Variants in ATP10B observed in about 807,000 individuals in gnomAD.
ATP10B encodes phospholipid-transporting ATPase VB.
ATP10B carries 122 observed loss-of-function variants against 141.2 expected under a neutral mutation model. That is an observed-to-expected ratio of 0.86 (90% CI 0.75 to 1.00). The LOEUF is 1.00. Ranked by LOEUF, ATP10B falls within the 50% of genes least tolerant of loss-of-function variation. The pLI is 0.00. For missense variants in ATP10B, 1,876 were observed against 1,825.3 expected, an observed-to-expected ratio of 1.03 and a Z score of -0.51; for synonymous variants, 685 against 692.0, an observed-to-expected ratio of 0.99 and a Z score of 0.16.
chr5:160,724,138 G>A (rs1041991638), intron 2 of ATP10B, among the ~76,000 whole-genome samples: 1 of 152,160 alleles, frequency 6.6e-6, no homozygotes, highest in Non-Finnish European at 1.5e-5. Flanking sequence ...GTGGAGGATG[G>A]GAGGAGGGAG....
At chr5:160,745,134 T>C (rs1476119909) in intron 2 of ATP10B, among the ~76,000 whole-genome samples, 1 of 152,278 alleles carries the variant, frequency 6.6e-6, no homozygotes, top group African/African-American at 2.4e-5. Context: ...TTGCTGCTGC[T>C]ATTATTACCA....
rs142225763 is a variant in ATP10B at position 160,635,415 on chromosome 5, C to G, written c.1128+767G>C. Among the ~76,000 whole-genome samples the G allele has an allele frequency of 6.1e-3, 926 of 152,142 alleles. 3 individuals carry two copies. The highest frequency in any genetic ancestry group is 0.014 in the Middle Eastern group (4 of 294). Reference sequence around the variant, plus strand: ...TCCAGATCACTTAGGGCTTCATCAGCCACAGTAAGGACTTTGGATTCCACT... The same window carrying G: ...TCCAGATCACTTAGGGCTTCATCAGGCACAGTAAGGACTTTGGATTCCACT... On this transcript the variant is annotated intron_variant, in intron 11 of 25. Transcript: ENST00000327245.
intron 3 of ATP10B, among the ~76,000 whole-genome samples, chr5:160,703,891 T>C (rs1204606515): frequency 3.9e-5 from 6 of 152,216 alleles, no homozygotes. Flanking sequence ...AGAATGAATA[T>C]TATGTTAGCA....
chr5:160,630,701 A>T (rs1357464482), intron 13 of ATP10B, among the ~76,000 whole-genome samples: 1 of 152,236 alleles, frequency 6.6e-6, no homozygotes, highest in East Asian at 1.9e-4. Flanking sequence ...GGAAAATAAA[A>T]AAAACCATGA....
Position 160,644,628 on chromosome 5 carries a change from CT to C in ATP10B, c.762-385del, listed in dbSNP as rs776094822. 1.2e-4 allele frequency among the ~76,000 whole-genome samples: 18 copies of C among 152,262 alleles called. No individual in the cohort carries two copies. In the East Asian group the frequency reaches 1.5e-3, roughly 13 times the overall value. On this transcript the variant is annotated intron_variant, in intron 8 of 25. Coordinates refer to ENST00000327245, the MANE Select transcript of ATP10B (RefSeq NM_025153.3). The stretch of plus-strand genomic sequence containing the variant: ...ACCAAGATGGTGATGAGAGTGACCT[CT>C]GGTTGTCCTCACTGTTACACTCCCA...
At chr5:160,830,228 G>T (rs1282714035) in intron 1 of ATP10B, among the ~76,000 whole-genome samples, 1 of 151,962 alleles carries the variant, frequency 6.6e-6, no homozygotes, top group Non-Finnish European at 1.5e-5. Flanking sequence ...TGTTTATGTG[G>T]TGAATCATAT....
chr5:160,798,471 A>G (rs1158314234), intron 1 of ATP10B, among the ~76,000 whole-genome samples: 3 of 152,162 alleles, frequency 2.0e-5, no homozygotes, highest in Non-Finnish European at 4.4e-5. Context: ...AGAAGGCCCC[A>G]TGAAGACAGA....
the ATP10B span, among the ~76,000 whole-genome samples, chr5:160,871,343 C>T: frequency 6.6e-6 from 1 of 152,006 alleles, no homozygotes; most frequent in South Asian, 2.1e-4. Flanking sequence ...ATAATGTACT[C>T]ACATTACCCT....
At chr5:160,871,397 C>T in the ATP10B span, among the ~76,000 whole-genome samples, 2 of 151,830 alleles carry the variant, frequency 1.3e-5, no homozygotes, top group Non-Finnish European at 2.9e-5. Context: ...AGGTTATTGC[C>T]GTACAGGTGG....
At chr5:160,756,590 T>A (rs1174139968) in intron 2 of ATP10B, among the ~76,000 whole-genome samples, 1 of 152,214 alleles carries the variant, frequency 6.6e-6, no homozygotes, top group African/African-American at 2.4e-5. Context: ...TATTTCATTG[T>A]GGTTCCAATT....
At chr5:160,921,522 TCTC>T in the ATP10B span, among the ~76,000 whole-genome samples, 1 of 152,226 alleles carries the variant, frequency 6.6e-6, no homozygotes, top group Non-Finnish European at 1.5e-5. Flanking sequence ...TAATCTCAAC[TCTC>T]CTTTTACAGG....
At chr5:160,874,432 G>GA in the ATP10B span, among the ~76,000 whole-genome samples, 11 of 152,156 alleles carry the variant, frequency 7.2e-5, no homozygotes, top group Non-Finnish European at 1.5e-4. Context: ...CAAAGATGGG[G>GA]AAAAAACAGA....
At chr5:160,708,089 T>A (rs1409424722) in intron 3 of ATP10B, among the ~76,000 whole-genome samples, 1 of 152,176 alleles carries the variant, frequency 6.6e-6, no homozygotes, top group African/African-American at 2.4e-5. Context: ...TGGGCATTGC[T>A]TTTTATATGC....
chr5:160,731,139 CATT>C (rs1766713164), intron 2 of ATP10B, among the ~76,000 whole-genome samples: 2 of 152,160 alleles, frequency 1.3e-5, no homozygotes, highest in Admixed American at 6.5e-5. Flanking sequence ...TAGTTTCTCT[CATT>C]ATGATTTTCA....
intron 1 of ATP10B, among the ~76,000 whole-genome samples, chr5:160,820,125 A>G (rs1417047262): frequency 6.7e-6 from 1 of 148,180 alleles, no homozygotes; most frequent in Non-Finnish European, 1.5e-5. Context: ...AACATTGACC[A>G]ATCTTTAGTG....
intron 1 of ATP10B, among the ~76,000 whole-genome samples, chr5:160,794,547 T>A (rs1771808982): frequency 6.6e-6 from 1 of 152,098 alleles, no homozygotes; most frequent in Non-Finnish European, 1.5e-5. Context: ...TGGGCTGGGA[T>A]GAGATAATCC....
chr5:160,739,348 A>G (rs1025555810), intron 2 of ATP10B, among the ~76,000 whole-genome samples: 18 of 152,362 alleles, frequency 1.2e-4, no homozygotes, highest in African/African-American at 3.8e-4. Context: ...AAGGCAGACA[A>G]ACAGACAATA....
chr5:160,607,646 T>C (rs569517079), intron 18 of ATP10B, among the ~76,000 whole-genome samples: 120 of 152,346 alleles, frequency 7.9e-4, no homozygotes, highest in African/African-American at 2.8e-3. Flanking sequence ...TTATCAATTG[T>C]TGTATTCCAT....
intron 2 of ATP10B, among the ~76,000 whole-genome samples, chr5:160,722,190 A>G (rs1173838837): frequency 6.6e-6 from 1 of 152,224 alleles, no homozygotes; most frequent in East Asian, 1.9e-4. Context: ...TAAACATCTC[A>G]TAATTTGGAT....
Sources: gnomAD v4.1 joint callset for allele counts (sites outside exome capture counted in the v4.1 genomes callset) on GRCh38, gnomAD v4.1.1 for gene constraint, MANE v1.5 for transcripts, NCBI Gene and HGNC (gene_info 2026-07-23, HGNC 2026-07-21) for gene names.